Variants in CPEB3 observed in about 807,000 individuals in gnomAD.
The protein encoded by CPEB3 is cytoplasmic polyadenylation element-binding protein 3.
CPEB3 carries 20 observed loss-of-function variants against 67.2 expected under a neutral mutation model. The observed-to-expected ratio is 0.30, with a 90% CI of 0.21 to 0.43. The LOEUF (loss-of-function observed/expected upper bound fraction) is 0.43, where lower values mean the gene tolerates loss of function less well. Among genes scored for constraint, CPEB3 ranks in the 20% least tolerant of loss-of-function variants. The pLI is 1.00. For missense variants in CPEB3, 746 were observed against 968.6 expected (o/e 0.77, Z 3.05); for synonymous variants, 376 against 393.1 (o/e 0.96, Z 0.51).
At position 92,216,526 on chromosome 10, in the gene CPEB3, A is replaced by C. The variant is rs1850408601; in HGVS notation, c.1005+22820T>G. The C allele has an allele frequency of 5.0e-6, 8 of 1,612,674 alleles. No individual in the cohort carries two copies. The Middle Eastern group carries it at 5.5e-4, about 111-fold the overall frequency. On this transcript the variant is annotated intron_variant, in intron 2 of 9. Coordinates refer to ENST00000265997, the MANE Select transcript of CPEB3 (RefSeq NM_014912.5). ...AGAAGCAGATTCGGCGCGGGGTGAA[A>C]GAGGTTCAGAAATTTGTCAACAAAG... is the stretch of plus-strand genomic sequence containing the variant.
chr10:92,100,237 T>C (rs1462671154), intron 7 of CPEB3, among the ~76,000 whole-genome samples: 2 of 127,200 alleles, frequency 1.6e-5, no homozygotes, highest in African/African-American at 3.4e-5. Context: ...ACATATTTGT[T>C]TCCCCCCAGC....
intron 6 of CPEB3, among the ~76,000 whole-genome samples, chr10:92,130,006 T>C (rs991888521): frequency 6.6e-6 from 1 of 152,064 alleles, no homozygotes; most frequent in African/African-American, 2.4e-5. Context: ...TACTGCACTC[T>C]AGCCTGGGTG....
At chr10:92,076,034 T>A (rs965955072) in intron 9 of CPEB3, among the ~76,000 whole-genome samples, 1 of 152,194 alleles carries the variant, frequency 6.6e-6, no homozygotes, top group African/African-American at 2.4e-5. Context: ...TTGTCTCACT[T>A]GATGGTCAGG....
chr10:92,115,643 T>C (rs1027023431), intron 6 of CPEB3, among the ~76,000 whole-genome samples: 10 of 152,202 alleles, frequency 6.6e-5, no homozygotes, highest in South Asian at 6.2e-4. Context: ...CTTTGAGGAA[T>C]AGACTATCCT....
chr10:92,263,120 G>C (rs142293631), intron 1 of CPEB3, among the ~76,000 whole-genome samples: 1 of 152,276 alleles, frequency 6.6e-6, no homozygotes, highest in Admixed American at 6.5e-5. Context: ...CCACAGCCCA[G>C]GCTAGAATGC....
At chr10:92,068,926 T>G (rs1842653490) in intron 9 of CPEB3, among the ~76,000 whole-genome samples, 1 of 152,202 alleles carries the variant, frequency 6.6e-6, no homozygotes, top group South Asian at 2.1e-4. Context: ...GAGTGTTGTT[T>G]CCTCTAGGGT....
intron 5 of CPEB3, among the ~76,000 whole-genome samples, chr10:92,143,897 A>G (rs1440599963): frequency 1.3e-5 from 2 of 152,214 alleles, no homozygotes; most frequent in African/African-American, 4.8e-5. Flanking sequence ...AAATAAAACC[A>G]CTTTTTGAGA....
chr10:92,061,007 TG>T (rs1481433585), intron 9 of CPEB3, among the ~76,000 whole-genome samples: 3 of 152,198 alleles, frequency 2.0e-5, no homozygotes, highest in Non-Finnish European at 4.4e-5. Context: ...GCAATCCCAC[TG>T]CTGGGTATAT....
chr10:92,283,722 C>CTTTTTTTTTTT (rs869248048), intron 1 of CPEB3, among the ~76,000 whole-genome samples: 79 of 108,920 alleles, frequency 7.3e-4, no homozygotes, highest in Non-Finnish European at 1.1e-3. Flanking sequence ...CTTTTTCTTT[C>CTTTTTTTTTTT]TTTTTTTTTT....
chr10:92,122,190 A>G (rs1195149748), intron 6 of CPEB3, among the ~76,000 whole-genome samples: 1 of 152,208 alleles, frequency 6.6e-6, no homozygotes, highest in Non-Finnish European at 1.5e-5. Context: ...AAAAAAAGGG[A>G]GCAGATTTGT....
At chr10:92,125,493 C>T (rs1157496087) in intron 6 of CPEB3, among the ~76,000 whole-genome samples, 2 of 152,196 alleles carry the variant, frequency 1.3e-5, no homozygotes, top group East Asian at 1.9e-4. Flanking sequence ...CTCTGTCCCA[C>T]TATGAGAGGT....
chr10:92,123,065 T>C (rs911008692), intron 6 of CPEB3, among the ~76,000 whole-genome samples: 3 of 152,134 alleles, frequency 2.0e-5, no homozygotes, highest in African/African-American at 7.2e-5. Context: ...TGGGAATAGT[T>C]GGGAATGGAC....
intron 4 of CPEB3, among the ~76,000 whole-genome samples, chr10:92,157,823 T>C (rs1847277450): frequency 6.6e-6 from 1 of 152,168 alleles, no homozygotes; most frequent in Admixed American, 6.5e-5. Context: ...GAAATAGTCT[T>C]TGCTATATCT....
chr10:92,049,012 GTTTAA>G lies in CPEB3; in HGVS notation c.*3195_*3199del, dbSNP rs1213952385. On this transcript the variant is annotated 3_prime_UTR_variant, in exon 10 of 10. Coordinates refer to ENST00000265997, the MANE Select transcript of CPEB3 (RefSeq NM_014912.5). ...AATAAAATGAAAAATATGTAAATAT[GTTTAA>G]TTTTTTTCTTAGCAAAAAATCTTTC... is the stretch of plus-strand genomic sequence containing the variant. 6.6e-6 allele frequency: 1 copy of G among 152,444 alleles called. No individual in the cohort carries two copies. The highest frequency in any genetic ancestry group is 1.5e-5 in the Non-Finnish European group (1 of 67,986). 9.4% of individuals were successfully genotyped at this position (152,444 alleles called of 1,614,324 possible).
intron 1 of CPEB3, among the ~76,000 whole-genome samples, chr10:92,259,254 C>T (rs181748623): frequency 6.6e-6 from 1 of 152,044 alleles, no homozygotes; most frequent in African/African-American, 2.4e-5. Flanking sequence ...TGAGCCGCCA[C>T]ACCCAGCCAT....
At chr10:92,084,681 A>G (rs1843300021) in intron 8 of CPEB3, among the ~76,000 whole-genome samples, 1 of 152,022 alleles carries the variant, frequency 6.6e-6, no homozygotes, top group Non-Finnish European at 1.5e-5. Context: ...CTGGGTTCAC[A>G]CCATTCTTCT....
chr10:92,206,847 C>G (rs1849815738), intron 2 of CPEB3, among the ~76,000 whole-genome samples: 1 of 151,992 alleles, frequency 6.6e-6, no homozygotes, highest in Non-Finnish European at 1.5e-5. Flanking sequence ...TTTTTTGAGT[C>G]CTTTAATAGG....
At chr10:92,193,420 C>T (rs932152675) in intron 2 of CPEB3, among the ~76,000 whole-genome samples, 2 of 151,984 alleles carry the variant, frequency 1.3e-5, no homozygotes, top group East Asian at 1.9e-4. Context: ...TATTGTCAAA[C>T]GAACAGAGAT....
At chr10:92,133,144 A>G (rs1488579255) in intron 6 of CPEB3, among the ~76,000 whole-genome samples, 11 of 152,220 alleles carry the variant, frequency 7.2e-5, no homozygotes, top group African/African-American at 2.7e-4. Context: ...AAAAGCTAGC[A>G]GAAGGCAAGA....
Sources: gnomAD v4.1 joint callset for allele counts (sites outside exome capture counted in the v4.1 genomes callset) on GRCh38, gnomAD v4.1.1 for gene constraint, MANE v1.5 for transcripts, NCBI Gene and HGNC (gene_info 2026-07-23, HGNC 2026-07-21) for gene names.